Variants in MALRD1 observed in about 807,000 individuals in gnomAD.
MALRD1 encodes MAM and LDL-receptor class A domain-containing protein 1.
In MALRD1, 247 loss-of-function variants were observed where a neutral mutation model predicts 242.1. That is an observed-to-expected ratio of 1.02 (90% CI 0.92 to 1.13). The LOEUF (loss-of-function observed/expected upper bound fraction) is 1.13, where lower values mean the gene tolerates loss of function less well. MALRD1 is among the 50% of genes most tolerant of loss of function. The pLI, the probability that MALRD1 is intolerant of heterozygous loss-of-function variation, is 0.00. For synonymous variants in MALRD1, 995 were observed against 866.6 expected (o/e 1.15, Z -2.60); for missense variants, 2,989 against 2,533.1 (o/e 1.18, Z -3.86).
chr10:19,288,093 C>G (rs1236364050), intron 21 of MALRD1, among the ~76,000 whole-genome samples: 2 of 150,806 alleles, frequency 1.3e-5, no homozygotes, highest in Admixed American at 6.6e-5. Flanking sequence ...AATTATTTTT[C>G]TTTTTTGGAG....
At chr10:19,432,109 G>A (rs1449120129) in intron 28 of MALRD1, among the ~76,000 whole-genome samples, 2 of 152,140 alleles carry the variant, frequency 1.3e-5, no homozygotes, top group Non-Finnish European at 2.9e-5. Flanking sequence ...AATTAGGTTA[G>A]TGAGCCTTTT....
At chr10:19,672,848 A>G (rs1174197978) in intron 36 of MALRD1, among the ~76,000 whole-genome samples, 1 of 152,210 alleles carries the variant, frequency 6.6e-6, no homozygotes, top group African/African-American at 2.4e-5. Flanking sequence ...TGGAGGCCAG[A>G]AAATATCTTA....
At chr10:19,575,869 T>A (rs548934404) in intron 33 of MALRD1, among the ~76,000 whole-genome samples, 1 of 152,318 alleles carries the variant, frequency 6.6e-6, no homozygotes, top group South Asian at 2.1e-4. Flanking sequence ...GCCACATAAC[T>A]GATATATCTA....
In MALRD1 at chr10:19,306,596, CTTAA is replaced by C. The variant is rs528984650; in HGVS notation, c.3420-17350_3420-17347del. Among the ~76,000 whole-genome samples the C allele has an allele frequency of 2.7e-3, 404 of 148,384 alleles. 1 individual carries two copies. Among genetic ancestry groups the C allele is most frequent in the African/African-American group, 9.3e-3 (375 of 40,448 alleles). On this transcript the variant is annotated intron_variant, in intron 21 of 39. Transcript: ENST00000454679. ...ATACCTTATATATACTGTATATATA[CTTAA>C]TTGTGTATATATATATGTACTTAAA...
intron 14 of MALRD1, among the ~76,000 whole-genome samples, chr10:19,199,199 G>A (rs1378567687): frequency 6.6e-6 from 1 of 152,178 alleles, no homozygotes; most frequent in Non-Finnish European, 1.5e-5. Flanking sequence ...GGAACAAGAA[G>A]AGTCAATGTG....
chr10:19,618,170 T>A (rs1839249762), intron 36 of MALRD1, among the ~76,000 whole-genome samples: 1 of 152,096 alleles, frequency 6.6e-6, no homozygotes, highest in Non-Finnish European at 1.5e-5. Context: ...CTAATTCTTT[T>A]TTTTAAGGCT....
intron 21 of MALRD1, among the ~76,000 whole-genome samples, chr10:19,302,253 A>G (rs369452741): frequency 1.5e-4 from 23 of 151,902 alleles, no homozygotes; most frequent in South Asian, 2.1e-4. Flanking sequence ...CAGTTTCTCA[A>G]CCAATTGAAT....
chr10:19,376,792 T>A (rs913513816), intron 26 of MALRD1, among the ~76,000 whole-genome samples: 1 of 151,992 alleles, frequency 6.6e-6, no homozygotes, highest in African/African-American at 2.4e-5. Context: ...TTGGTCAGGC[T>A]GGTCTCAAAC....
At chr10:19,127,224 G>T (rs991942640) in intron 7 of MALRD1, among the ~76,000 whole-genome samples, 1 of 152,124 alleles carries the variant, frequency 6.6e-6, no homozygotes. Context: ...TTTTTAAAAA[G>T]ATTAATAGAC....
intron 38 of MALRD1, among the ~76,000 whole-genome samples, chr10:19,724,262 G>T (rs545615810): frequency 2.6e-5 from 4 of 152,122 alleles, no homozygotes; most frequent in African/African-American, 4.8e-5. Flanking sequence ...GCGGGAGGGG[G>T]AAGCACACAT....
intron 32 of MALRD1, among the ~76,000 whole-genome samples, chr10:19,531,573 A>G (rs1337816178): frequency 1.3e-5 from 2 of 152,158 alleles, no homozygotes; most frequent in East Asian, 1.9e-4. Flanking sequence ...CCTGAACTCA[A>G]TTATGTTGTA....
chr10:19,074,314 T>C (rs1835251909), intron 2 of MALRD1, among the ~76,000 whole-genome samples: 1 of 152,100 alleles, frequency 6.6e-6, no homozygotes, highest in Non-Finnish European at 1.5e-5. Context: ...AGGGCATGCA[T>C]ATTTGGTGCT....
chr10:19,053,058 A>G (rs1296352727), intron 1 of MALRD1, among the ~76,000 whole-genome samples: 1 of 152,170 alleles, frequency 6.6e-6, no homozygotes, highest in East Asian at 1.9e-4. Context: ...AGCCTGGTAA[A>G]TGAAGATTGG....
intron 28 of MALRD1, among the ~76,000 whole-genome samples, chr10:19,432,935 T>G (rs548571068): frequency 2.0e-5 from 3 of 152,322 alleles, no homozygotes; most frequent in Non-Finnish European, 2.9e-5. Context: ...AAAATTACAT[T>G]CTTTACATTC....
chr10:19,283,049 G>A lies in MALRD1; in HGVS notation c.3287G>A (p.Ser1096Asn), dbSNP rs1840895846. ...GAAGTTTGCAGCTTTGAGAAAAGAA[G>A]CCTGTGTAAATGGTATCAACCAATC... ...VMEVCSFEKR[S>N]LCKWYQPIPV... Residue 1096 changes from serine to asparagine, a missense_variant, in exon 21 of 40, where the codon AGC becomes AAC. Coordinates refer to ENST00000454679, the MANE Select transcript of MALRD1 (RefSeq NM_001142308.3). 6.5e-7 allele frequency: 1 copy of A among 1,548,032 alleles called. No individual in the cohort carries two copies. The highest frequency in any genetic ancestry group is 8.7e-7 in the Non-Finnish European group (1 of 1,145,522).
chr10:19,233,451 G>A (rs911855924), intron 18 of MALRD1, among the ~76,000 whole-genome samples: 2 of 152,152 alleles, frequency 1.3e-5, no homozygotes, highest in Non-Finnish European at 2.9e-5. Context: ...ACAGTGAGCC[G>A]AGATCATGCC....
intron 28 of MALRD1, among the ~76,000 whole-genome samples, chr10:19,418,266 C>A (rs961490638): frequency 6.9e-6 from 1 of 144,102 alleles, no homozygotes; most frequent in Non-Finnish European, 1.5e-5. Flanking sequence ...ATGCACCATT[C>A]CCCCCCACGC....
intron 18 of MALRD1, among the ~76,000 whole-genome samples, chr10:19,236,857 T>C (rs1400050866): frequency 6.6e-6 from 1 of 152,090 alleles, no homozygotes; most frequent in African/African-American, 2.4e-5. Context: ...TAGCTAGGAT[T>C]CTTTCAAAAT....
At chr10:19,383,384 A>G (rs1349306605) in intron 26 of MALRD1, among the ~76,000 whole-genome samples, 1 of 152,142 alleles carries the variant, frequency 6.6e-6, no homozygotes, top group South Asian at 2.1e-4. Flanking sequence ...ATATAATCTC[A>G]TTCTATTTTA....
Sources: gnomAD v4.1 joint callset for allele counts (sites outside exome capture counted in the v4.1 genomes callset) on GRCh38, gnomAD v4.1.1 for gene constraint, MANE v1.5 for transcripts, NCBI Gene and HGNC (gene_info 2026-07-23, HGNC 2026-07-21) for gene names.